CELF4: variants seen among roughly 807,000 people sequenced by gnomAD.
The protein encoded by CELF4 is CUGBP Elav-like family member 4.
Under a neutral mutation model 59.9 loss-of-function variants are expected in CELF4, and 18 were observed. The observed-to-expected ratio is 0.30, with a 90% CI of 0.21 to 0.45. The LOEUF (loss-of-function observed/expected upper bound fraction) is 0.45. CELF4 is among the 20% of genes least tolerant of loss of function. The pLI is 1.00. For missense variants in CELF4, 456 were observed against 689.0 expected (o/e 0.66, Z 3.79); for synonymous variants, 261 against 267.1 (o/e 0.98, Z 0.22).
intron 2 of CELF4, among the ~76,000 whole-genome samples, chr18:37,427,961 G>C (rs2099624491): frequency 6.6e-6 from 1 of 152,232 alleles, no homozygotes; most frequent in Non-Finnish European, 1.5e-5. Flanking sequence ...AGTGTCTACG[G>C]TGTGTGTATG....
chr18:37,564,896 C>A (rs2099987696), intron 1 of CELF4, among the ~76,000 whole-genome samples: 1 of 152,026 alleles, frequency 6.6e-6, no homozygotes, highest in African/African-American at 2.4e-5. Context: ...GCTACTCTAG[C>A]CCGGAGCAAA....
chr18:37,496,281 C>T (rs1015910792), intron 1 of CELF4, among the ~76,000 whole-genome samples: 5 of 152,198 alleles, frequency 3.3e-5, no homozygotes, highest in African/African-American at 1.2e-4. Context: ...GACCACAGCG[C>T]CCAGGGCTGG....
At chr18:37,269,702 G>C (rs9953199) in intron 8 of CELF4, among the ~76,000 whole-genome samples, 1,548 of 152,280 alleles carry the variant, frequency 0.01, 33 homozygotes, top group African/African-American at 0.035. Context: ...TCCTCCTTGG[G>C]AAGGCTTTTT....
At chr18:37,558,390 T>G (rs1235828429) in intron 1 of CELF4, among the ~76,000 whole-genome samples, 2 of 151,764 alleles carry the variant, frequency 1.3e-5, no homozygotes, top group African/African-American at 2.4e-5. Context: ...AGTTTTTTTT[T>G]TTTTTTTTTT....
chr18:37,334,897 C>T (rs769424975), intron 2 of CELF4, among the ~76,000 whole-genome samples: 5 of 152,212 alleles, frequency 3.3e-5, no homozygotes, highest in African/African-American at 4.8e-5. Context: ...CTGATGATGC[C>T]GGCCAAGCAC....
chr18:37,243,678 C>T lies in CELF4; in HGVS notation c.*1564G>A, dbSNP rs1266278685. 1 of 152,386 alleles carries T rather than the reference C, an allele frequency of 6.6e-6. No homozygotes were observed. Among genetic ancestry groups the T allele is most frequent in the Non-Finnish European group, 1.5e-5 (1 of 68,206 alleles). The allele number at this position is 152,386 out of a possible 1,614,324, so 9.4% of individuals were successfully genotyped here. The stretch of plus-strand genomic sequence containing the variant: ...ACAGAGCCGGCATCATTTAAACATC[C>T]CTGTTTTTCAAAATTCCTTGTAAAC... On this transcript the variant is annotated 3_prime_UTR_variant, in exon 13 of 13. Coordinates refer to ENST00000420428, the MANE Select transcript of CELF4 (RefSeq NM_020180.4).
rs373346932 is a variant in CELF4, at chr18:37,523,108, G to A, written c.287-37501C>T. Among the ~76,000 whole-genome samples, 34 of 152,268 alleles carry A rather than the reference G, an allele frequency of 2.2e-4. No homozygotes were observed. The East Asian group carries it at 6.0e-3, about 27-fold the overall frequency. ...GCTCCCCCTTTCTGTTTCCCTGAGGGGCTTACCACCTGGCTGGGCACCCGG... is the reference window on the plus strand; with the variant it reads ...GCTCCCCCTTTCTGTTTCCCTGAGGAGCTTACCACCTGGCTGGGCACCCGG... On this transcript the variant is annotated intron_variant, in intron 1 of 12. Coordinates refer to ENST00000420428, the MANE Select transcript of CELF4 (RefSeq NM_020180.4).
At chr18:37,304,781 C>T (rs2096288901) in intron 3 of CELF4, among the ~76,000 whole-genome samples, 1 of 152,200 alleles carries the variant, frequency 6.6e-6, no homozygotes, top group African/African-American at 2.4e-5. Context: ...GAAGTAGAAG[C>T]GGAGCACCCA....
chr18:37,498,184 T>G lies in CELF4; in HGVS notation c.287-12577A>C, dbSNP rs17682808. 0.025 allele frequency among the ~76,000 whole-genome samples: 3,732 copies of G among 152,222 alleles called. 242 individuals carry two copies. The East Asian group carries it at 0.28, about 11-fold the overall frequency. Reference sequence around the variant, plus strand: ...GTGGGTTTGGGGGCCCTGGAGTGGTTTAGAAGGGCTGGAGCCTGTAAGAGC... The same window carrying G: ...GTGGGTTTGGGGGCCCTGGAGTGGTGTAGAAGGGCTGGAGCCTGTAAGAGC... On this transcript the variant is annotated intron_variant, in intron 1 of 12. Coordinates refer to ENST00000420428, the MANE Select transcript of CELF4 (RefSeq NM_020180.4).
intron 3 of CELF4, among the ~76,000 whole-genome samples, chr18:37,285,093 G>A (rs2094598750): frequency 6.6e-6 from 1 of 152,192 alleles, no homozygotes; most frequent in African/African-American, 2.4e-5. Context: ...GAGCCCCAAG[G>A]GGTGAGTGGG....
chr18:37,343,468 C>A (rs566392084), intron 2 of CELF4, among the ~76,000 whole-genome samples: 62 of 152,028 alleles, frequency 4.1e-4, no homozygotes, highest in Admixed American at 1.4e-3. Flanking sequence ...GAGCTGCATA[C>A]AGCCACCAGA....
intron 11 of CELF4, among the ~76,000 whole-genome samples, chr18:37,257,127 G>A (rs78546519): frequency 6.6e-6 from 1 of 152,288 alleles, no homozygotes; most frequent in African/African-American, 2.4e-5. Context: ...TGGGCTAACA[G>A]CTTAAAGAGG....
chr18:37,248,789 T>C (rs2063630495), intron 12 of CELF4, among the ~76,000 whole-genome samples: 1 of 152,144 alleles, frequency 6.6e-6, no homozygotes, highest in Admixed American at 6.5e-5. Flanking sequence ...GGTCCTTAGC[T>C]CCACCCCTCC....
In CELF4 at chr18:37,274,876, A is replaced by G; in HGVS notation, c.586T>C (p.Phe196Leu). 1 of 1,607,800 alleles carries G rather than the reference A, an allele frequency of 6.2e-7. No homozygotes were observed. The highest frequency in any genetic ancestry group is 8.5e-7 in the Non-Finnish European group (1 of 1,177,948). ...TCGGCGTGGGAGGAGTACTTCACAA[A>G]GGCGCACCCTGCGAGGACGCGAGAG... The part of the protein sequence containing the change: ...GPDGNSKGCA[F>L]VKYSSHAEAQ... The change falls in exon 5 of 13, where the codon TTT (phenylalanine) becomes CTT (leucine). Residue 196 changes from phenylalanine (F) to leucine (L), a missense_variant. Physicochemically the swap from Phe to Leu is conservative, Grantham distance 22. Coordinates refer to ENST00000420428, the MANE Select transcript of CELF4 (RefSeq NM_020180.4).
intron 2 of CELF4, among the ~76,000 whole-genome samples, chr18:37,335,686 G>C (rs983484569): frequency 6.6e-6 from 1 of 151,814 alleles, no homozygotes; most frequent in African/African-American, 2.4e-5. Context: ...GGTCCTCCTC[G>C]ACCCCTGAAC....
At chr18:37,498,435 T>G in intron 1 of CELF4, among the ~76,000 whole-genome samples, 1 of 104,764 alleles carries the variant, frequency 9.5e-6, no homozygotes, top group Admixed American at 1.1e-4. Context: ...CTCCCCTCCC[T>G]TCCCCTTTCT....
chr18:37,386,936 TGAA>T (rs1365279743), intron 2 of CELF4, among the ~76,000 whole-genome samples: 2 of 152,198 alleles, frequency 1.3e-5, no homozygotes, highest in South Asian at 4.1e-4. Context: ...CTCAGTGACC[TGAA>T]GAAGAAGCCA....
intron 2 of CELF4, among the ~76,000 whole-genome samples, chr18:37,423,101 G>GAA (rs1482714256): frequency 6.6e-6 from 1 of 151,388 alleles, no homozygotes; most frequent in Non-Finnish European, 1.5e-5. Flanking sequence ...GAGAGAGAGA[G>GAA]AGACAGACAG....
intron 2 of CELF4, among the ~76,000 whole-genome samples, chr18:37,426,479 G>C (rs935300918): frequency 2.0e-5 from 3 of 152,212 alleles, no homozygotes; most frequent in Non-Finnish European, 2.9e-5. Context: ...CCTTGTCAAT[G>C]ACCACCCAGG....
Sources: allele counts gnomAD v4.1 joint callset (sites outside exome capture counted in the v4.1 genomes callset), GRCh38; gene constraint gnomAD v4.1.1; transcripts MANE v1.5; gene names NCBI Gene and HGNC (gene_info 2026-07-23, HGNC 2026-07-21).